The following CRY1 variants were observed in gnomAD, a reference collection of about 807,000 sequenced individuals.
The protein encoded by CRY1 is cryptochrome-1.
A neutral mutation model predicts 76.0 loss-of-function variants in CRY1; 45 were observed. The ratio of observed to expected loss-of-function variants is 0.59; its 90% CI spans 0.47 to 0.76. CRY1 has a LOEUF of 0.76. Ranked by LOEUF, CRY1 falls within the 30% of genes least tolerant of loss-of-function variation. The pLI, the probability that CRY1 is intolerant of heterozygous loss-of-function variation, is 0.00. For missense variants in CRY1, 587 were observed against 716.4 expected, an observed-to-expected ratio of 0.82 and a Z score of 2.06; for synonymous variants, 248 against 244.0, an observed-to-expected ratio of 1.02 and a Z score of -0.15.
rs80116826 is a variant in CRY1, at chr12:107,003,405, T to C, written c.411-1457A>G. The stretch of plus-strand genomic sequence containing the variant: ...AAATCCAACTCCATCATTTTATAGA[T>C]GTGAAAACAGGCCTACCAGGAGAGT... On this transcript the variant is annotated intron_variant, in intron 3 of 12. Transcript: ENST00000008527. Among the ~76,000 whole-genome samples the C allele has an allele frequency of 2.0e-3, 307 of 152,324 alleles. 3 individuals carry two copies. Among genetic ancestry groups the C allele is most frequent in the African/African-American group, 7.0e-3 (293 of 41,582 alleles).
At chr12:106,994,398 C>T (rs535641026) in intron 10 of CRY1, among the ~76,000 whole-genome samples, 10 of 152,220 alleles carry the variant, frequency 6.6e-5, no homozygotes, top group South Asian at 2.1e-4. Context: ...TCTCATATTG[C>T]ACATGGAGGC....
chr12:107,089,189 T>A (rs7306318), intron 1 of CRY1, among the ~76,000 whole-genome samples: 3,546 of 152,320 alleles, frequency 0.023, 146 homozygotes, highest in African/African-American at 0.081. Context: ...CTATTATGAA[T>A]AATGCTTCTG....
Position 107,003,002 on chromosome 12 carries a change from A to G in CRY1, c.411-1054T>C, listed in dbSNP as rs181958354. Among the ~76,000 whole-genome samples the G allele has an allele frequency of 4.0e-3, 614 of 152,298 alleles. 5 individuals are homozygous for G. Among genetic ancestry groups the G allele is most frequent in the African/African-American group, 0.014 (579 of 41,546 alleles). ...TTTTGTAAATTGCCCAGTCTCGGGT[A>G]TGTCTTTATCAGCATCGTGAAAACA... On this transcript the variant is annotated intron_variant, in intron 3 of 12. Coordinates refer to ENST00000008527, the MANE Select transcript of CRY1 (RefSeq NM_004075.5).
At chr12:107,045,233 A>C (rs1952836436) in intron 1 of CRY1, among the ~76,000 whole-genome samples, 1 of 152,206 alleles carries the variant, frequency 6.6e-6, no homozygotes, top group Non-Finnish European at 1.5e-5. Context: ...TCAAAGTGCT[A>C]AGAGAAAAAA....
At chr12:107,063,074 C>T (rs970074347) in intron 1 of CRY1, among the ~76,000 whole-genome samples, 3 of 152,094 alleles carry the variant, frequency 2.0e-5, no homozygotes, top group Non-Finnish European at 2.9e-5. Flanking sequence ...AGTTTGTGAA[C>T]TCAATTTTAG....
chr12:107,024,395 C>T (rs1330707451), intron 1 of CRY1, among the ~76,000 whole-genome samples: 3 of 151,702 alleles, frequency 2.0e-5, no homozygotes, highest in Admixed American at 6.6e-5. Flanking sequence ...ATTCCGAATG[C>T]TTTTAATAAA....
At chr12:107,004,741 TTATAACTATA>T (rs1385807223) in intron 3 of CRY1, among the ~76,000 whole-genome samples, 1 of 152,174 alleles carries the variant, frequency 6.6e-6, no homozygotes, top group Non-Finnish European at 1.5e-5. Flanking sequence ...TCAAGGCAAT[TTATAACTATA>T]TATAACTATA....
At chr12:107,068,965 G>C (rs1953145532) in intron 1 of CRY1, among the ~76,000 whole-genome samples, 1 of 152,142 alleles carries the variant, frequency 6.6e-6, no homozygotes, top group Admixed American at 6.5e-5. Flanking sequence ...CCATTCATCA[G>C]TGGACAGACA....
In CRY1 at chr12:106,999,972, A is replaced by G; in HGVS notation, c.795T>C (p.Phe265=). ...TGTAGAGATCTGTTAGTTTGAAGTA[A>G]AACAGTCGACATGACAAACAACCAA... ...LRFGCLSCRL[F]YFKLTDLYKK... Residue 265 remains phenylalanine (F), a synonymous_variant, in exon 6 of 13, where the codon TTT becomes TTC. Transcript: ENST00000008527. 6.2e-7 allele frequency: 1 copy of G among 1,611,972 alleles called. No individual in the cohort carries two copies. Among genetic ancestry groups the G allele is most frequent in the African/African-American group, 1.3e-5 (1 of 74,926 alleles).
intron 1 of CRY1, among the ~76,000 whole-genome samples, chr12:107,034,390 C>G (rs1221553046): frequency 6.6e-6 from 1 of 152,144 alleles, no homozygotes; most frequent in Non-Finnish European, 1.5e-5. Context: ...AGCATATACT[C>G]TTGACTGAGT....
chr12:107,031,480 GA>G (rs1229580221), intron 1 of CRY1, among the ~76,000 whole-genome samples: 1 of 151,488 alleles, frequency 6.6e-6, no homozygotes, highest in East Asian at 1.9e-4. Context: ...AGTTTGGGAT[GA>G]AAGAAAATAA....
chr12:107,084,145 G>A lies in CRY1; in HGVS notation c.158+8659C>T, dbSNP rs952345716. On this transcript the variant is annotated intron_variant, in intron 1 of 12. Transcript: ENST00000008527. The stretch of plus-strand genomic sequence containing the variant: ...CAAGGGATGTGAAGGACCTCTTCAA[G>A]GAGAACTACAAACCACTGCTCAAAG... Among the ~76,000 whole-genome samples, 7 of 152,276 alleles carry A rather than the reference G, an allele frequency of 4.6e-5. No homozygotes were observed. The East Asian group carries it at 1.2e-3, about 25-fold the overall frequency.
chr12:107,023,987 T>C (rs912681668), intron 1 of CRY1, among the ~76,000 whole-genome samples: 1 of 152,208 alleles, frequency 6.6e-6, no homozygotes, highest in African/African-American at 2.4e-5. Context: ...ATGTATTTGC[T>C]TGGCAAGAAG....
intron 1 of CRY1, among the ~76,000 whole-genome samples, chr12:107,026,279 T>C (rs1952615175): frequency 6.7e-6 from 1 of 150,276 alleles, no homozygotes; most frequent in South Asian, 2.1e-4. Flanking sequence ...TCATCCAGGC[T>C]GGAGTGCAGT....
chr12:107,061,264 A>G (rs1432371659), intron 1 of CRY1, among the ~76,000 whole-genome samples: 1 of 152,172 alleles, frequency 6.6e-6, no homozygotes, highest in Non-Finnish European at 1.5e-5. Flanking sequence ...TTACCTTATT[A>G]GTGATGGCTC....
At chr12:107,000,805 AC>A (rs1179739869) in intron 5 of CRY1, among the ~76,000 whole-genome samples, 2 of 150,736 alleles carry the variant, frequency 1.3e-5, no homozygotes, top group African/African-American at 4.9e-5. Flanking sequence ...ACACACCACC[AC>A]CCTGGCTAAC....
chr12:107,023,766 A>G (rs1952581381), intron 1 of CRY1, among the ~76,000 whole-genome samples: 1 of 152,100 alleles, frequency 6.6e-6, no homozygotes, highest in African/African-American at 2.4e-5. Flanking sequence ...ATTTTATCAC[A>G]TCCCTTTTCT....
At chr12:107,004,634 G>A (rs1370261920) in intron 3 of CRY1, among the ~76,000 whole-genome samples, 3 of 152,086 alleles carry the variant, frequency 2.0e-5, no homozygotes, top group Admixed American at 1.3e-4. Flanking sequence ...GCTATGCAAT[G>A]TTATATTACA....
intron 1 of CRY1, among the ~76,000 whole-genome samples, chr12:107,090,660 G>A (rs758564143): frequency 3.3e-5 from 5 of 152,190 alleles, no homozygotes; most frequent in Non-Finnish European, 7.3e-5. Flanking sequence ...CTAAAACAGT[G>A]CCTGGCATAT....
Sources: gnomAD v4.1 joint callset for allele counts (sites outside exome capture counted in the v4.1 genomes callset) on GRCh38, gnomAD v4.1.1 for gene constraint, MANE v1.5 for transcripts, NCBI Gene and HGNC (gene_info 2026-07-23, HGNC 2026-07-21) for gene names.